The following RAB38 variants were observed in gnomAD, a reference collection of about 807,000 sequenced individuals.
The protein encoded by RAB38 is RAB38, member RAS oncogene family.
In RAB38, 15 loss-of-function variants were observed where a neutral mutation model predicts 18.4. The ratio of observed to expected loss-of-function variants is 0.82; its 90% confidence interval spans 0.55 to 1.26. RAB38 has a LOEUF of 1.26. Among genes scored for constraint, RAB38 ranks in the 50% most tolerant of loss-of-function variants. The pLI is 0.00. For synonymous variants in RAB38, 101 were observed against 104.4 expected (o/e 0.97, Z 0.20); for missense variants, 294 against 267.4 (o/e 1.10, Z -0.69).
At chr11:88,141,613 T>G (rs1412063839) in intron 2 of RAB38, among the ~76,000 whole-genome samples, 2 of 152,198 alleles carry the variant, frequency 1.3e-5, no homozygotes, top group Non-Finnish European at 2.9e-5. Context: ...AATCTTTGAG[T>G]TCAGACTTCT....
the RAB38 span, among the ~76,000 whole-genome samples, chr11:87,814,803 G>A: frequency 9.1e-4 from 137 of 150,472 alleles, 1 homozygote; most frequent in Non-Finnish European, 1.6e-3. Flanking sequence ...GCACTATCTC[G>A]GCTCACCGCA....
At chr11:87,833,524 C>A in the RAB38 span, among the ~76,000 whole-genome samples, 2 of 152,170 alleles carry the variant, frequency 1.3e-5, no homozygotes, top group Admixed American at 1.3e-4. Flanking sequence ...TTCATAATGT[C>A]GATTTGTAAT....
At chr11:88,089,243 G>A in the RAB38 span, among the ~76,000 whole-genome samples, 1 of 151,962 alleles carries the variant, frequency 6.6e-6, no homozygotes, top group South Asian at 2.1e-4. Context: ...GCAACCCTGA[G>A]GTGGCAGGGG....
At chr11:88,121,692 A>G (rs1036580368) in intron 2 of RAB38, among the ~76,000 whole-genome samples, 1 of 152,126 alleles carries the variant, frequency 6.6e-6, no homozygotes, top group African/African-American at 2.4e-5. Flanking sequence ...CCTCCTGAGT[A>G]GCTGGGACTA....
chr11:87,824,603 A>G, the RAB38 span, among the ~76,000 whole-genome samples: 1 of 152,200 alleles, frequency 6.6e-6, no homozygotes, highest in African/African-American at 2.4e-5. Flanking sequence ...AGACACTAAG[A>G]GATTAAGAGA....
chr11:88,024,703 T>C, the RAB38 span, among the ~76,000 whole-genome samples: 1 of 152,136 alleles, frequency 6.6e-6, no homozygotes, highest in African/African-American at 2.4e-5. Flanking sequence ...TAAAAAAGAA[T>C]GAAATTCTGT....
chr11:88,030,844 T>C, the RAB38 span, among the ~76,000 whole-genome samples: 9 of 151,772 alleles, frequency 5.9e-5, no homozygotes, highest in African/African-American at 1.5e-4. Flanking sequence ...TTCCAATCAA[T>C]AGAAAAAGAG....
chr11:87,947,152 T>C, the RAB38 span, among the ~76,000 whole-genome samples: 3 of 152,106 alleles, frequency 2.0e-5, no homozygotes, highest in Admixed American at 6.6e-5. Context: ...TGATGATGAG[T>C]ATTTTTTCAT....
the RAB38 span, among the ~76,000 whole-genome samples, chr11:87,857,425 T>G: frequency 1.3e-5 from 2 of 152,206 alleles, no homozygotes; most frequent in African/African-American, 2.4e-5. Flanking sequence ...TCTAGATCCC[T>G]GAGGAATCGC....
At chr11:87,808,686 A>T in the RAB38 span, among the ~76,000 whole-genome samples, 1 of 152,190 alleles carries the variant, frequency 6.6e-6, no homozygotes, top group Non-Finnish European at 1.5e-5. Flanking sequence ...GAAATAAAGC[A>T]TATGTTAATT....
chr11:87,931,945 G>A, the RAB38 span, among the ~76,000 whole-genome samples: 1 of 151,924 alleles, frequency 6.6e-6, no homozygotes, highest in South Asian at 2.1e-4. Context: ...AGGAGGGGTG[G>A]GGTGGGGTGG....
intron 1 of RAB38, among the ~76,000 whole-genome samples, chr11:88,155,182 A>G (rs145635415): frequency 9.2e-5 from 14 of 152,316 alleles, no homozygotes; most frequent in Non-Finnish European, 1.9e-4. Context: ...CCTGTAGATG[A>G]ACCTACCTGG....
At chr11:87,968,746 A>G in the RAB38 span, among the ~76,000 whole-genome samples, 3 of 152,160 alleles carry the variant, frequency 2.0e-5, no homozygotes, top group South Asian at 2.1e-4. Flanking sequence ...TTCTTATTTT[A>G]TTGCAGACTT....
At chr11:88,117,855 C>T (rs1161966512) in intron 2 of RAB38, among the ~76,000 whole-genome samples, 2 of 152,182 alleles carry the variant, frequency 1.3e-5, no homozygotes. Flanking sequence ...CAGTGAAAGG[C>T]ATACAGTACA....
intron 2 of RAB38, among the ~76,000 whole-genome samples, chr11:88,116,536 GGCT>G (rs1159244994): frequency 1.3e-5 from 2 of 152,182 alleles, no homozygotes; most frequent in Non-Finnish European, 2.9e-5. Context: ...ACAGCAAGTG[GGCT>G]GGGAGGCCAG....
chr11:87,890,174 T>C, the RAB38 span, among the ~76,000 whole-genome samples: 5 of 152,014 alleles, frequency 3.3e-5, no homozygotes, highest in Middle Eastern at 3.4e-3. Flanking sequence ...TGAAAAACTA[T>C]AAAATCTCAC....
the RAB38 span, among the ~76,000 whole-genome samples, chr11:87,886,323 G>A: frequency 1.3e-5 from 2 of 151,680 alleles, no homozygotes; most frequent in South Asian, 4.1e-4. Context: ...GTGAGTGTGT[G>A]TGTGTGTGTG....
chr11:87,868,141 G>T, the RAB38 span, among the ~76,000 whole-genome samples: 1 of 151,698 alleles, frequency 6.6e-6, no homozygotes, highest in African/African-American at 2.4e-5. Context: ...CAGTGCTGGA[G>T]TTGAAGCCTA....
intron 2 of RAB38, among the ~76,000 whole-genome samples, chr11:88,128,605 T>C (rs1217045373): frequency 6.6e-6 from 1 of 152,184 alleles, no homozygotes; most frequent in African/African-American, 2.4e-5. Context: ...CACCTTAATT[T>C]TTCCTACCTG....
Sources: allele counts gnomAD v4.1 joint callset (sites outside exome capture counted in the v4.1 genomes callset), GRCh38; gene constraint gnomAD v4.1.1; transcripts MANE v1.5; gene names NCBI Gene and HGNC (gene_info 2026-07-23, HGNC 2026-07-21).